The following DAB1 variants were observed in gnomAD, a reference collection of about 807,000 sequenced individuals.
DAB1 encodes disabled homolog 1.
In DAB1, 15 loss-of-function variants were observed where a neutral mutation model predicts 64.6. The observed-to-expected ratio is 0.23, with a 90% CI of 0.16 to 0.36. DAB1 has a LOEUF of 0.36. Ranked by LOEUF, DAB1 falls within the 10% of genes least tolerant of loss-of-function variation. The probability of loss-of-function intolerance (pLI) is 1.00; values close to 1 mark genes in which losing one functional copy is unlikely to be tolerated. For synonymous variants in DAB1, 235 were observed against 251.9 expected, an observed-to-expected ratio of 0.93 and a Z score of 0.64; for missense variants, 596 against 706.7, an observed-to-expected ratio of 0.84 and a Z score of 1.78.
At chr1:58,417,815 C>G (rs1231933407) in intron 3 of DAB1, among the ~76,000 whole-genome samples, 1 of 152,212 alleles carries the variant, frequency 6.6e-6, no homozygotes, top group African/African-American at 2.4e-5. Flanking sequence ...GAGTTCTGCT[C>G]TGACACTGAC....
At chr1:57,404,327 T>A (rs1190966428) in intron 1 of DAB1, among the ~76,000 whole-genome samples, 3 of 152,226 alleles carry the variant, frequency 2.0e-5, no homozygotes, top group Non-Finnish European at 4.4e-5. Context: ...TAGCTAATTT[T>A]AAAAACATTT....
intron 6 of DAB1, among the ~76,000 whole-genome samples, chr1:57,667,163 G>C (rs1453559151): frequency 6.6e-6 from 1 of 152,126 alleles, no homozygotes; most frequent in Non-Finnish European, 1.5e-5. Context: ...ATAGTGTGTG[G>C]CTTGCTCCCT....
intron 3 of DAB1, among the ~76,000 whole-genome samples, chr1:58,474,703 T>C (rs1036018048): frequency 6.6e-5 from 10 of 152,188 alleles, no homozygotes; most frequent in Non-Finnish European, 1.0e-4. Flanking sequence ...GCTCTAGGCA[T>C]TCAAACAAAG....
chr1:58,405,248 AT>A (rs1644604718), intron 3 of DAB1, among the ~76,000 whole-genome samples: 1 of 152,162 alleles, frequency 6.6e-6, no homozygotes, highest in Non-Finnish European at 1.5e-5. Flanking sequence ...GCTCCTTCAG[AT>A]GTCACCCCTC....
Position 57,355,718 on chromosome 1 carries a change from A to G in DAB1, c.-136-64552T>C, listed in dbSNP as rs76074672. On this transcript the variant is annotated intron_variant, in intron 1 of 14. Coordinates refer to ENST00000371236, the MANE Select transcript of DAB1 (RefSeq NM_001365792.1). ...AATGTAGGCAGGCCCGTGGACCTGA[A>G]GTATACTTTATTGGGAGTCATATGA... 4.6e-3 allele frequency among the ~76,000 whole-genome samples: 703 copies of G among 152,170 alleles called. 15 individuals are homozygous for G. The highest frequency in any genetic ancestry group is 0.033 in the Admixed American group (502 of 15,258).
chr1:57,266,277 A>G (rs1449990940), intron 2 of DAB1, among the ~76,000 whole-genome samples: 3 of 152,210 alleles, frequency 2.0e-5, no homozygotes, highest in African/African-American at 7.2e-5. Flanking sequence ...CTTCATGAGT[A>G]GCAAATGACA....
intron 5 of DAB1, among the ~76,000 whole-genome samples, chr1:58,014,189 C>A (rs1646707947): frequency 6.6e-6 from 1 of 152,152 alleles, no homozygotes; most frequent in Non-Finnish European, 1.5e-5. Flanking sequence ...AGGTTTTGAA[C>A]ACAGCTCTGT....
At chr1:58,074,564 G>GTATATATATATATATATATATATATA (rs375821412) in intron 5 of DAB1, 7 of 91,638 alleles carry the variant, frequency 7.6e-5, no homozygotes, top group African/African-American at 2.6e-4. Context: ...ATATATGTGT[G>GTATATATATATATATATATATATATA]TATATATATA....
intron 4 of DAB1, among the ~76,000 whole-genome samples, chr1:58,329,136 G>C (rs1662914482): frequency 6.6e-6 from 1 of 152,202 alleles, no homozygotes; most frequent in Admixed American, 6.5e-5. Context: ...AAAAGTAATA[G>C]AGGATAAGTG....
chr1:57,657,932 C>G (rs1386377573), intron 6 of DAB1, among the ~76,000 whole-genome samples: 1 of 152,180 alleles, frequency 6.6e-6, no homozygotes, highest in South Asian at 2.1e-4. Flanking sequence ...GTAGCTTTGA[C>G]AGATTGATTC....
At chr1:57,763,826 A>G (rs1440937534) in intron 6 of DAB1, among the ~76,000 whole-genome samples, 1 of 152,126 alleles carries the variant, frequency 6.6e-6, no homozygotes, top group African/African-American at 2.4e-5. Flanking sequence ...TTCATTCTTG[A>G]TAGTGTGTTT....
At chr1:58,215,050 A>G (rs1488043535) in intron 4 of DAB1, among the ~76,000 whole-genome samples, 1 of 152,196 alleles carries the variant, frequency 6.6e-6, no homozygotes, top group East Asian at 1.9e-4. Flanking sequence ...CCTTGCCCAT[A>G]CATCTGCAGA....
At chr1:57,986,883 G>T (rs113478760) in intron 5 of DAB1, among the ~76,000 whole-genome samples, 1 of 152,072 alleles carries the variant, frequency 6.6e-6, no homozygotes, top group African/African-American at 2.4e-5. Flanking sequence ...CCCTACATTC[G>T]TTGTCTTATT....
chr1:58,183,373 A>G (rs1379912994), intron 4 of DAB1, among the ~76,000 whole-genome samples: 1 of 151,134 alleles, frequency 6.6e-6, no homozygotes. Flanking sequence ...CAGATTATGC[A>G]CACAGCTGCA....
At chr1:57,987,165 A>C (rs1369309598) in intron 5 of DAB1, among the ~76,000 whole-genome samples, 1 of 151,952 alleles carries the variant, frequency 6.6e-6, no homozygotes, top group Non-Finnish European at 1.5e-5. Context: ...CTTTCTCTGA[A>C]ACCATAGAGA....
At chr1:57,203,295 T>TCC (rs1469677431) in intron 2 of DAB1, among the ~76,000 whole-genome samples, 1 of 152,208 alleles carries the variant, frequency 6.6e-6, no homozygotes, top group African/African-American at 2.4e-5. Context: ...TTTCTTTGCT[T>TCC]CCTCAGCTTC....
chr1:57,404,829 A>G (rs1254723285), intron 1 of DAB1, among the ~76,000 whole-genome samples: 1 of 152,222 alleles, frequency 6.6e-6, no homozygotes, highest in Non-Finnish European at 1.5e-5. Context: ...GACGCTAATG[A>G]AAACCCAAAG....
chr1:57,139,733 G>A (rs1347996475), intron 3 of DAB1, among the ~76,000 whole-genome samples: 3 of 152,088 alleles, frequency 2.0e-5, no homozygotes, highest in Admixed American at 1.3e-4. Context: ...CTAGCATATA[G>A]TAGTGCTGAT....
intron 7 of DAB1, chr1:57,606,239 C>G (rs1645635343): frequency 7.3e-6 from 1 of 136,140 alleles, no homozygotes; most frequent in Non-Finnish European, 1.7e-5. Flanking sequence ...CAACTTGTTC[C>G]TCAGTGAGAG....
Sources: gnomAD v4.1 joint callset for allele counts (sites outside exome capture counted in the v4.1 genomes callset) on GRCh38, gnomAD v4.1.1 for gene constraint, MANE v1.5 for transcripts, NCBI Gene and HGNC (gene_info 2026-07-23, HGNC 2026-07-21) for gene names.